Variants in TLK1 observed in about 807,000 individuals in gnomAD.
TLK1 encodes the protein tousled like kinase 1.
In TLK1, 24 loss-of-function variants were observed where a neutral mutation model predicts 105.3. The ratio of observed to expected loss-of-function variants is 0.23; its 90% CI spans 0.17 to 0.32. The LOEUF (loss-of-function observed/expected upper bound fraction) is 0.32. TLK1 is among the 10% of genes least tolerant of loss of function. The pLI is 1.00. For synonymous variants in TLK1, 321 were observed against 310.4 expected (o/e 1.03, Z -0.36); for missense variants, 558 against 910.5 (o/e 0.61, Z 4.98).
At chr2:171,108,900 G>A (rs1690047569) in intron 2 of TLK1, among the ~76,000 whole-genome samples, 4 of 151,814 alleles carry the variant, frequency 2.6e-5, no homozygotes. Flanking sequence ...CCAGCCCCAA[G>A]AAACACATTT....
rs112065778 is a variant in TLK1, at chr2:171,147,653, G to T, written c.139+12637C>A. On this transcript the variant is annotated intron_variant, in intron 1 of 20. Transcript: ENST00000431350. ...GGGACCAAATACTATCTGAATAAAT[G>T]TTCCTTATAGCCACAGCATGCTTGA... 3.6e-3 allele frequency among the ~76,000 whole-genome samples: 543 copies of T among 152,310 alleles called. 6 individuals carry two copies. The highest frequency in any genetic ancestry group is 0.012 in the African/African-American group (502 of 41,560).
chr2:171,161,929 G>C (rs1692512440), upstream of TLK1, among the ~76,000 whole-genome samples: 1 of 152,146 alleles, frequency 6.6e-6, no homozygotes, highest in African/African-American at 2.4e-5. Context: ...AAATTGAATA[G>C]AGCACTAAAA....
chr2:171,012,966 C>T (rs7582081), intron 13 of TLK1, among the ~76,000 whole-genome samples: 2,630 of 151,648 alleles, frequency 0.017, 71 homozygotes, highest in African/African-American at 0.055. Context: ...ATGTAATTTT[C>T]GGAACAGTTA....
intron 2 of TLK1, among the ~76,000 whole-genome samples, chr2:171,103,966 A>G (rs767815264): frequency 2.6e-5 from 4 of 152,206 alleles, no homozygotes; most frequent in Admixed American, 6.5e-5. Context: ...CTATACACCA[A>G]CAATGAACTA....
chr2:170,999,655 A>G (rs1684261807), intron 18 of TLK1, among the ~76,000 whole-genome samples: 1 of 152,248 alleles, frequency 6.6e-6, no homozygotes, highest in African/African-American at 2.4e-5. Context: ...TCTAAAATAT[A>G]CGAGTATTTA....
At chr2:171,112,185 C>T (rs928120891) in intron 2 of TLK1, among the ~76,000 whole-genome samples, 5 of 152,174 alleles carry the variant, frequency 3.3e-5, no homozygotes, top group East Asian at 3.9e-4. Context: ...CTCCTTACCT[C>T]GTGATCCGCC....
At chr2:171,123,805 C>A (rs1690756489) in intron 1 of TLK1, among the ~76,000 whole-genome samples, 2 of 152,290 alleles carry the variant, frequency 1.3e-5, no homozygotes, top group Middle Eastern at 3.4e-3. Flanking sequence ...AATGAGAGCA[C>A]TTTTGCTTAA....
chr2:171,176,868 T>C (rs1692838960), intron 1 of TLK1, among the ~76,000 whole-genome samples: 1 of 152,062 alleles, frequency 6.6e-6, no homozygotes, highest in African/African-American at 2.4e-5. Context: ...AGTCTCCCTC[T>C]GTCACCCAGG....
intron 1 of TLK1, among the ~76,000 whole-genome samples, chr2:171,123,059 C>T (rs1242862832): frequency 1.4e-5 from 2 of 142,934 alleles, no homozygotes; most frequent in African/African-American, 2.7e-5. Flanking sequence ...TAAATAAATA[C>T]ACACACACAC....
At chr2:171,093,505 C>A (rs1330862222) in intron 2 of TLK1, among the ~76,000 whole-genome samples, 2 of 152,078 alleles carry the variant, frequency 1.3e-5, no homozygotes, top group East Asian at 3.9e-4. Context: ...ATGTGAAAAA[C>A]CATATCCATT....
At chr2:171,142,343 T>C (rs1174493955) in intron 1 of TLK1, among the ~76,000 whole-genome samples, 1 of 152,144 alleles carries the variant, frequency 6.6e-6, no homozygotes, top group Non-Finnish European at 1.5e-5. Flanking sequence ...CATGTTCCAA[T>C]TAAAGAACAA....
intron 1 of TLK1, chr2:171,159,635 GGAGA>G (rs1558974532): frequency 1.3e-5 from 2 of 152,328 alleles, no homozygotes; most frequent in African/African-American, 4.8e-5. Context: ...CAACGGCGAA[GGAGA>G]GAAAGTTGCA....
chr2:171,225,838 A>G (rs984559412), intron 1 of TLK1, among the ~76,000 whole-genome samples: 1 of 152,074 alleles, frequency 6.6e-6, no homozygotes, highest in Non-Finnish European at 1.5e-5. Context: ...AGAATCAGCC[A>G]TTTTTCCAAG....
rs549301805 is a variant in TLK1 at position 171,005,843 on chromosome 2, G to A, written c.1904+304C>T. Among the ~76,000 whole-genome samples the A allele has an allele frequency of 3.3e-5, 5 of 152,178 alleles. No individual in the cohort carries two copies. The East Asian group carries it at 5.8e-4, about 18-fold the overall frequency. The stretch of plus-strand genomic sequence containing the variant: ...TATTTATATTTATGATGAACATCAC[G>A]CTAACATTGTAGAAGAAAACCCATG... On this transcript the variant is annotated intron_variant, in intron 18 of 20. Transcript: ENST00000431350.
At chr2:171,013,272 C>G (rs971275011) in intron 13 of TLK1, among the ~76,000 whole-genome samples, 1 of 149,864 alleles carries the variant, frequency 6.7e-6, no homozygotes, top group Non-Finnish European at 1.5e-5. Context: ...CTCAGCCTCC[C>G]AAAGTGCTGG....
Position 171,088,790 on chromosome 2 carries a change from G to A in TLK1, c.259-5938C>T, listed in dbSNP as rs530948311. Among the ~76,000 whole-genome samples, 7 of 152,228 alleles carry A rather than the reference G, an allele frequency of 4.6e-5. No homozygotes were observed. The South Asian group carries it at 8.3e-4, about 18-fold the overall frequency. ...AAAGTGGGAGGAGGAAAATATGCAA[G>A]GTCTCAAAAATTTCACTACCCATAT... On this transcript the variant is annotated intron_variant, in intron 2 of 20. Transcript: ENST00000431350.
At chr2:171,169,092 ATT>A (rs1692674296) in intron 1 of TLK1, among the ~76,000 whole-genome samples, 1 of 151,952 alleles carries the variant, frequency 6.6e-6, no homozygotes, top group Admixed American at 6.6e-5. Flanking sequence ...AAAAAAAAAA[ATT>A]TGTTTTTTGA....
At chr2:171,153,015 A>AT (rs11411218) in intron 1 of TLK1, among the ~76,000 whole-genome samples, 20,533 of 152,160 alleles carry the variant, frequency 0.13, 2,368 homozygotes, top group African/African-American at 0.32. Context: ...TCACACGTGT[A>AT]TAAAAACTCA....
At chr2:170,997,312 A>C (rs1210183235) in intron 19 of TLK1, among the ~76,000 whole-genome samples, 1 of 152,132 alleles carries the variant, frequency 6.6e-6, no homozygotes, top group African/African-American at 2.4e-5. Context: ...AATAAGACTA[A>C]GTTTGATGGT....
Sources: allele counts gnomAD v4.1 joint callset (sites outside exome capture counted in the v4.1 genomes callset), GRCh38; gene constraint gnomAD v4.1.1; transcripts MANE v1.5; gene names NCBI Gene and HGNC (gene_info 2026-07-23, HGNC 2026-07-21).